The following VRK1 variants were observed in gnomAD, a reference collection of about 807,000 sequenced individuals.
VRK1 encodes VRK serine/threonine kinase 1.
A neutral mutation model predicts 57.1 loss-of-function variants in VRK1; 33 were observed. The ratio of observed to expected loss-of-function variants is 0.58; its 90% CI spans 0.44 to 0.77. The LOEUF (loss-of-function observed/expected upper bound fraction) is 0.77. Among genes scored for constraint, VRK1 ranks in the 30% least tolerant of loss-of-function variants. The pLI is 0.00. For missense variants in VRK1, 413 were observed against 477.3 expected (o/e 0.87, Z 1.25); for synonymous variants, 137 against 147.8 (o/e 0.93, Z 0.53).
chr14:96,858,825 T>C, intron 10 of VRK1: 1 of 152,394 alleles, frequency 6.6e-6, no homozygotes, highest in Non-Finnish European at 1.5e-5. Context: ...TCTTTGGCAC[T>C]GCTTTTCTTT....
At chr14:96,828,703 T>A (rs1595656759) in intron 1 of VRK1, among the ~76,000 whole-genome samples, 1 of 152,054 alleles carries the variant, frequency 6.6e-6, no homozygotes, top group East Asian at 1.9e-4. Flanking sequence ...TCTAGGAAGG[T>A]TGTGTTAAAT....
intron 11 of VRK1, among the ~76,000 whole-genome samples, chr14:96,873,802 G>T (rs948766822): frequency 1.3e-5 from 2 of 152,160 alleles, no homozygotes; most frequent in Non-Finnish European, 2.9e-5. Context: ...TTTTATTTTG[G>T]TTTTTTAATT....
In VRK1 at chr14:96,837,815, G is replaced by T; in HGVS notation, c.214G>T (p.Val72Leu). Residue 72 changes from valine to leucine, a missense_variant and splice_region_variant, in exon 3 of 13, where the codon GTG becomes TTG. Transcript: ENST00000216639. ...VGSDAPCVVK[V>L]EPSDNGPLFT... Reference sequence around the variant, plus strand: ...CAGTGATGCACCTTGTGTTGTAAAAGTGGTAAGAAATATTTTAGCTAATTT... The same window carrying T: ...CAGTGATGCACCTTGTGTTGTAAAATTGGTAAGAAATATTTTAGCTAATTT... The T allele has an allele frequency of 6.5e-7, 1 of 1,548,370 alleles. No individual in the cohort carries two copies. The highest frequency in any genetic ancestry group is 2.3e-5 in the East Asian group (1 of 42,590).
chr14:96,805,601 CT>C, intron 1 of VRK1, among the ~76,000 whole-genome samples: 1 of 152,148 alleles, frequency 6.6e-6, no homozygotes, highest in East Asian at 1.9e-4. Flanking sequence ...GTAGATTAGA[CT>C]TAAGTCATTT....
intron 11 of VRK1, among the ~76,000 whole-genome samples, chr14:96,862,306 T>C (rs992857196): frequency 1.3e-5 from 2 of 152,182 alleles, no homozygotes; most frequent in African/African-American, 4.8e-5. Flanking sequence ...TGTATAAAGC[T>C]TCATTTAGGG....
intron 9 of VRK1, 42 bp downstream of exon 9, chr14:96,856,292 G>T: frequency 1.2e-6 from 2 of 1,604,578 alleles, no homozygotes. Flanking sequence ...ATCATGATAA[G>T]CCAAATGTTT....
chr14:96,880,400 C>T (rs920649442), intron 12 of VRK1, among the ~76,000 whole-genome samples: 2 of 152,178 alleles, frequency 1.3e-5, no homozygotes, highest in Non-Finnish European at 2.9e-5. Flanking sequence ...CAGAGCGTAG[C>T]ATGCGGCAGT....
rs749287879 is a variant in VRK1 at position 96,847,341 on chromosome 14, A to C, written c.371A>C (p.Lys124Thr). The C allele has an allele frequency of 2.5e-6, 4 of 1,612,700 alleles. No homozygotes were observed. Among genetic ancestry groups the C allele is most frequent in the South Asian group, 1.1e-5 (1 of 91,056 alleles). ...TCTGGTCTACATGACAAAAATGGAA[A>C]AAGGTAAAAATATGTGTGATTTGTC... Reference protein sequence around the residue: ...WGSGLHDKNGKSYRFMIMDRF... With the variant: ...WGSGLHDKNGTSYRFMIMDRF... Residue 124 changes from lysine to threonine, a missense_variant, in exon 5 of 13, where the codon AAA becomes ACA. Coordinates refer to ENST00000216639, the MANE Select transcript of VRK1 (RefSeq NM_003384.3).
intron 2 of VRK1, among the ~76,000 whole-genome samples, chr14:96,836,849 G>A (rs180743800): frequency 6.6e-6 from 1 of 152,158 alleles, no homozygotes; most frequent in East Asian, 1.9e-4. Flanking sequence ...TCTTGGTGCT[G>A]TTCTCCCTGG....
chr14:96,801,304 A>G lies in VRK1; in HGVS notation c.-6+3857A>G, dbSNP rs115185269. Among the ~76,000 whole-genome samples the G allele has an allele frequency of 1.8e-3, 278 of 152,322 alleles. 1 individual carries two copies. Among genetic ancestry groups the G allele is most frequent in the African/African-American group, 6.6e-3 (276 of 41,574 alleles). ...TGCTTTTCTTAGATTGTTTTTATCA[A>G]GTGACAGCTAAAGAAAAGTCATCAT... On this transcript the variant is annotated intron_variant, in intron 1 of 12. Coordinates refer to ENST00000216639, the MANE Select transcript of VRK1 (RefSeq NM_003384.3).
chr14:96,874,441 G>T (rs553001984), intron 11 of VRK1, among the ~76,000 whole-genome samples: 53 of 152,278 alleles, frequency 3.5e-4, no homozygotes, highest in African/African-American at 1.3e-3. Context: ...AATCTGTTCA[G>T]CCCAGCAGGG....
intron 3 of VRK1, 105 bp downstream of exon 3, chr14:96,837,922 A>G (rs1277698418): frequency 1.5e-6 from 1 of 654,762 alleles, no homozygotes; most frequent in Non-Finnish European, 2.4e-6. Flanking sequence ...ATAAGATACT[A>G]CATTTTTAAT....
rs560242666 is a variant in VRK1 at position 96,847,297 on chromosome 14, T to G, written c.327T>G (p.Gly109=). The change falls in exon 5 of 13, where the codon GGT becomes GGG. Residue 109 remains glycine (G), a synonymous_variant. Transcript: ENST00000216639. ...GTACCCGTAAGCTGAAGTACCTGGG[T>G]GTTCCTAAGTATTGGGGGTCTGGTC... ...WIRTRKLKYL[G]VPKYWGSGLH... 12 of 1,613,664 alleles carry G rather than the reference T, an allele frequency of 7.4e-6. No homozygotes were observed. Among genetic ancestry groups the G allele is most frequent in the Non-Finnish European group, 9.3e-6 (11 of 1,179,762 alleles).
At chr14:96,854,017 TGTC>T (rs1265125674) in intron 7 of VRK1, among the ~76,000 whole-genome samples, 1 of 152,162 alleles carries the variant, frequency 6.6e-6, no homozygotes, top group African/African-American at 2.4e-5. Flanking sequence ...TTTCTTTTTC[TGTC>T]GTCTCGTATT....
rs911186093 is a variant in VRK1 at position 96,843,779 on chromosome 14, A to G, written c.217-2316A>G. On this transcript the variant is annotated intron_variant, in intron 3 of 12. Transcript: ENST00000216639. The stretch of plus-strand genomic sequence containing the variant: ...GGTATTTTCTTCAACAGGAATAGCT[A>G]GCTTTGGCTAGAGTGCAATGCCAAG... Among the ~76,000 whole-genome samples the G allele has an allele frequency of 3.3e-5, 5 of 152,236 alleles. No homozygotes were observed. In the East Asian group the frequency reaches 9.6e-4, roughly 29 times the overall value.
Position 96,800,563 on chromosome 14 carries a change from A to G in VRK1, c.-6+3116A>G, listed in dbSNP as rs148116623. 1.7e-3 allele frequency among the ~76,000 whole-genome samples: 261 copies of G among 152,288 alleles called. 1 individual carries two copies. Among genetic ancestry groups the G allele is most frequent in the Non-Finnish European group, 3.3e-3 (223 of 68,028 alleles). On this transcript the variant is annotated intron_variant, in intron 1 of 12. Coordinates refer to ENST00000216639, the MANE Select transcript of VRK1 (RefSeq NM_003384.3). Reference sequence around the variant, plus strand: ...TTTACCAACATTCTTCAGGAAATTTATTAAGATTTTTATTAGCCACAGTAT... The same window carrying G: ...TTTACCAACATTCTTCAGGAAATTTGTTAAGATTTTTATTAGCCACAGTAT...
At chr14:96,803,153 A>C (rs1463949208) in intron 1 of VRK1, among the ~76,000 whole-genome samples, 1 of 150,582 alleles carries the variant, frequency 6.6e-6, no homozygotes, top group Non-Finnish European at 1.5e-5. Context: ...CAAGTGCAAG[A>C]CTAGTGATGC....
At position 96,826,902 on chromosome 14, in the gene VRK1, C is replaced by T. The variant is rs536394570; in HGVS notation, c.-5-6565C>T. ...TTTCATATTCTGAGAAACTGAGAAG[C>T]TTCTGTAGCCCTGAACTAGAAAATA... On this transcript the variant is annotated intron_variant, in intron 1 of 12. Coordinates refer to ENST00000216639, the MANE Select transcript of VRK1 (RefSeq NM_003384.3). Among the ~76,000 whole-genome samples the T allele has an allele frequency of 2.6e-5, 4 of 152,284 alleles. No homozygotes were observed. In the East Asian group the frequency reaches 7.7e-4, roughly 29 times the overall value.
intron 1 of VRK1, among the ~76,000 whole-genome samples, chr14:96,808,052 T>TGTGTGTGC: frequency 7.1e-6 from 1 of 141,616 alleles, no homozygotes; most frequent in South Asian, 2.3e-4. Context: ...TGTGTGTGTG[T>TGTGTGTGC]GTGCATGTGA....
Sources: allele counts gnomAD v4.1 joint callset (sites outside exome capture counted in the v4.1 genomes callset), GRCh38; gene constraint gnomAD v4.1.1; transcripts MANE v1.5; gene names NCBI Gene and HGNC (gene_info 2026-07-23, HGNC 2026-07-21).